The following DNAH8 variants were observed in gnomAD, a reference collection of about 807,000 sequenced individuals.
DNAH8 encodes axonemal beta dynein heavy chain 8.
In DNAH8, 382 loss-of-function variants were observed where a neutral mutation model predicts 562.1. The ratio of observed to expected loss-of-function variants is 0.68; its 90% confidence interval spans 0.63 to 0.74. DNAH8 has a LOEUF of 0.74. Among genes scored for constraint, DNAH8 ranks in the 30% least tolerant of loss-of-function variants. The pLI is 0.00. For missense variants in DNAH8, 5,203 were observed against 5,620.4 expected, an observed-to-expected ratio of 0.93 and a Z score of 2.37; for synonymous variants, 1,881 against 1,919.4, an observed-to-expected ratio of 0.98 and a Z score of 0.52.
At chr6:38,831,325 T>A (rs954718629) in intron 30 of DNAH8, among the ~76,000 whole-genome samples, 15 of 148,886 alleles carry the variant, frequency 1.0e-4, no homozygotes, top group Admixed American at 8.9e-4. Flanking sequence ...TTTGGGAGGC[T>A]GAGGTGGGAG....
intron 25 of DNAH8, among the ~76,000 whole-genome samples, chr6:38,814,869 C>T (rs1415381911): frequency 6.6e-6 from 1 of 152,134 alleles, no homozygotes; most frequent in African/African-American, 2.4e-5. Context: ...TGGCACTTAT[C>T]TTTACAACTA....
At chr6:38,720,249 T>C (rs1446531140) in intron 1 of DNAH8, among the ~76,000 whole-genome samples, 1 of 152,098 alleles carries the variant, frequency 6.6e-6, no homozygotes, top group Non-Finnish European at 1.5e-5. Flanking sequence ...AAGGGAGAAA[T>C]ATCCCTGAGG....
intron 9 of DNAH8, among the ~76,000 whole-genome samples, chr6:38,754,401 T>C (rs1447620357): frequency 1.3e-5 from 2 of 152,150 alleles, no homozygotes; most frequent in Non-Finnish European, 2.9e-5. Flanking sequence ...ATATATAATA[T>C]GAATTCTGGC....
intron 58 of DNAH8, among the ~76,000 whole-genome samples, chr6:38,893,361 A>G (rs1206536640): frequency 1.3e-5 from 2 of 152,226 alleles, no homozygotes; most frequent in Non-Finnish European, 2.9e-5. Flanking sequence ...GATGAAAAGT[A>G]GAGGGAAATA....
rs1770715920 is a variant in DNAH8 at position 38,800,771 on chromosome 6, A to AAGT, written c.2902-2407_2902-2405dup. Among the ~76,000 whole-genome samples the AAGT allele has an allele frequency of 2.6e-5, 4 of 152,152 alleles. No homozygotes were observed. The South Asian group carries it at 8.3e-4, about 32-fold the overall frequency. ...ACCTCGAATGATCTGCCTCCCCCTCAAGTGCCTCCCAAAGTGCTGGGATTA... is the reference window on the plus strand; with the variant it reads ...ACCTCGAATGATCTGCCTCCCCCTCAAGTAGTGCCTCCCAAAGTGCTGGGATTA... On this transcript the variant is annotated intron_variant, in intron 21 of 92. Coordinates refer to ENST00000327475, the MANE Select transcript of DNAH8 (RefSeq NM_001206927.2).
chr6:38,924,575 TAA>T (rs201270604), intron 73 of DNAH8, among the ~76,000 whole-genome samples: 1,950 of 152,268 alleles, frequency 0.013, 34 homozygotes, highest in Middle Eastern at 0.037. Flanking sequence ...TGAAAGTGCT[TAA>T]GAGTTTTTTT....
intron 48 of DNAH8, among the ~76,000 whole-genome samples, chr6:38,868,785 C>T (rs889553281): frequency 4.6e-5 from 7 of 151,954 alleles, no homozygotes; most frequent in African/African-American, 1.2e-4. Context: ...ATTTCCCTGC[C>T]CCAGCCTCCT....
intron 82 of DNAH8, among the ~76,000 whole-genome samples, chr6:38,960,386 C>G (rs1023000517): frequency 6.8e-6 from 1 of 146,676 alleles, no homozygotes; most frequent in African/African-American, 2.5e-5. Flanking sequence ...TGTTAATATG[C>G]AGAATATATA....
At chr6:39,009,996 G>T (rs1255118112) in intron 89 of DNAH8, among the ~76,000 whole-genome samples, 1 of 152,174 alleles carries the variant, frequency 6.6e-6, no homozygotes, top group East Asian at 1.9e-4. Flanking sequence ...ACTGGCATGT[G>T]AAAGTGAGAT....
chr6:39,024,575 C>T (rs549409089), intron 91 of DNAH8, among the ~76,000 whole-genome samples: 1 of 152,252 alleles, frequency 6.6e-6, no homozygotes, highest in South Asian at 2.1e-4. Flanking sequence ...ATCTGTAAAC[C>T]CAGCTACTCC....
Position 38,919,394 on chromosome 6 carries a change from C to CT in DNAH8, c.10524+1255dup, listed in dbSNP as rs376748456. Reference sequence around the variant, plus strand: ...CACAGGGCCTTGTGTTAATGCTCTGCTGTTGCCCTCTTCAGATTCTTAATA... The same window carrying CT: ...CACAGGGCCTTGTGTTAATGCTCTGCTTGTTGCCCTCTTCAGATTCTTAATA... On this transcript the variant is annotated intron_variant, in intron 70 of 92. Transcript: ENST00000327475. Among the ~76,000 whole-genome samples the CT allele has an allele frequency of 1.9e-3, 294 of 152,294 alleles. 1 individual carries two copies. The highest frequency in any genetic ancestry group is 6.4e-3 in the African/African-American group (267 of 41,578).
At position 38,906,261 on chromosome 6, in the gene DNAH8, A is replaced by G. The variant is rs768881750; in HGVS notation, c.9202A>G (p.Asn3068Asp). 1 of 1,586,648 alleles carries G rather than the reference A, an allele frequency of 6.3e-7. No homozygotes were observed. The highest frequency in any genetic ancestry group is 1.8e-5 in the Admixed American group (1 of 56,594). Residue 3068 changes from asparagine (N) to aspartate (D), a missense_variant, in exon 63 of 93, where the codon AAT becomes GAT. Physicochemically the swap from Asn to Asp is conservative, Grantham distance 23. Transcript: ENST00000327475. ...TATCATTTTTCTTCTTAGGTCTTAC[A>G]ATGTGACTAATCTAACAGATGATTT... is the stretch of plus-strand genomic sequence containing the variant. Reference protein sequence around the residue: ...IFQITLTRSYNVTNLTDDLKA... With the variant: ...IFQITLTRSYDVTNLTDDLKA...
intron 8 of DNAH8, among the ~76,000 whole-genome samples, chr6:38,749,535 T>TA (rs562568389): frequency 0.38 from 45,921 of 120,432 alleles, 7,816 homozygotes; most frequent in Non-Finnish European, 0.44. Context: ...GAACTTAAAG[T>TA]AAAAAAAAAA....
At chr6:38,740,742 G>A (rs982841309) in intron 7 of DNAH8, among the ~76,000 whole-genome samples, 5 of 152,052 alleles carry the variant, frequency 3.3e-5, no homozygotes, top group African/African-American at 9.7e-5. Flanking sequence ...AGCCTCCTGA[G>A]TAGCTGGGAC....
At chr6:38,718,757 G>A (rs1024501851) in intron 1 of DNAH8, among the ~76,000 whole-genome samples, 1 of 152,160 alleles carries the variant, frequency 6.6e-6, no homozygotes, top group Non-Finnish European at 1.5e-5. Flanking sequence ...AAGTCTGCTT[G>A]TATAAAAACC....
chr6:38,791,465 A>C, intron 20 of DNAH8, 90 bp from the exon 21 acceptor site: 2 of 1,425,060 alleles, frequency 1.4e-6, no homozygotes, highest in Non-Finnish European at 1.9e-6. Context: ...TAGCCTTCTA[A>C]ATTAATTTAT....
intron 32 of DNAH8, among the ~76,000 whole-genome samples, chr6:38,835,417 G>A (rs937471151): frequency 1.3e-5 from 2 of 152,074 alleles, no homozygotes; most frequent in Non-Finnish European, 2.9e-5. Context: ...AAATCTGATA[G>A]AGAGATAGCA....
In DNAH8 at chr6:38,814,055, C is replaced by G; in HGVS notation, c.3259C>G (p.Leu1087Val). 6.3e-7 allele frequency: 1 copy of G among 1,588,032 alleles called. No individual in the cohort carries two copies. Among genetic ancestry groups the G allele is most frequent in the Non-Finnish European group, 8.6e-7 (1 of 1,158,910 alleles). The stretch of plus-strand genomic sequence containing the variant: ...AGCTAAATGTCCATCTCATTGCAGC[C>G]TTTATGGGCGAAAGCAGTCAGAAGA... ...TMKRRIFVAS[L>V]YGRKQSEDII... Residue 1087 changes from leucine (L) to valine (V), a missense_variant and splice_region_variant, in exon 25 of 93, where the codon CTT becomes GTT. By Grantham distance (32) the Leu-to-Val change is conservative. This residue lies in a region of DNAH8 where 2,176 missense variants were observed against 2,365.1 expected (regional missense o/e 0.92). Transcript: ENST00000327475.
intron 58 of DNAH8, among the ~76,000 whole-genome samples, chr6:38,892,581 C>G (rs1056053084): frequency 2.0e-5 from 3 of 152,162 alleles, no homozygotes; most frequent in Non-Finnish European, 2.9e-5. Context: ...TCACCATCCC[C>G]CCGTGACCAC....
Sources: allele counts gnomAD v4.1 joint callset (sites outside exome capture counted in the v4.1 genomes callset), GRCh38; gene constraint gnomAD v4.1.1; regional missense constraint gnomAD v4.1.1; transcripts MANE v1.5; gene names NCBI Gene and HGNC (gene_info 2026-07-23, HGNC 2026-07-21).